Variants in POM121 observed in about 807,000 individuals in gnomAD.
POM121 encodes nuclear envelope pore membrane protein POM 121.
Under a neutral mutation model 81.3 loss-of-function variants are expected in POM121, and 32 were observed. The observed-to-expected ratio is 0.39, with a 90% CI of 0.30 to 0.53. The LOEUF (loss-of-function observed/expected upper bound fraction) is 0.53. Ranked by LOEUF, POM121 falls within the 20% of genes least tolerant of loss-of-function variation. The pLI is 0.66. For synonymous variants in POM121, 514 were observed against 694.2 expected, an observed-to-expected ratio of 0.74 and a Z score of 4.08; for missense variants, 1,138 against 1,614.6, an observed-to-expected ratio of 0.70 and a Z score of 5.06.
intron 5 of POM121, among the ~76,000 whole-genome samples, chr7:72,931,917 A>G (rs1796066032): frequency 6.6e-6 from 1 of 152,064 alleles, no homozygotes; most frequent in Admixed American, 6.6e-5. Flanking sequence ...TAACACTGTC[A>G]TTATTAAGAC....
chr7:72,943,045 G>A lies in POM121; in HGVS notation c.3052G>A (p.Val1018Met), dbSNP rs138430822. 1.2e-5 allele frequency: 19 copies of A among 1,613,788 alleles called. No homozygotes were observed. Among genetic ancestry groups the A allele is most frequent in the African/African-American group, 4.0e-5 (3 of 74,942 alleles). ...TPAPPSMIKV[V>M]PAYVPTPIHP... ...TGCACCTCCGTCCATGATCAAGGTC[G>A]TGCCTGCGTACGTGCCTACGCCCAT... Residue 1018 changes from valine to methionine, a missense_variant, in exon 11 of 13, where the codon GTG becomes ATG. Val to Met is a conservative substitution (Grantham distance 21). This residue lies in a region of POM121 where 336 missense variants were observed against 344.3 expected (regional missense o/e 0.98). Coordinates refer to ENST00000434423, the MANE Select transcript of POM121 (RefSeq NM_001387691.1).
chr7:72,882,771 A>G (rs1283779843), intron 1 of POM121, among the ~76,000 whole-genome samples: 1 of 152,102 alleles, frequency 6.6e-6, no homozygotes, highest in African/African-American at 2.4e-5. Flanking sequence ...AGATTTCCTC[A>G]TTTCTGTTTC....
At chr7:72,914,612 G>A (rs1404409690) in intron 4 of POM121, among the ~76,000 whole-genome samples, 4 of 151,798 alleles carry the variant, frequency 2.6e-5, no homozygotes, top group Non-Finnish European at 1.5e-5. Context: ...GGCCTCAAGC[G>A]ATCCTCCTAC....
chr7:72,930,022 T>A lies in POM121; in HGVS notation c.1186T>A (p.Ser396Thr). ...GAGATCCCGAAGCTCTTCCATGAGC[T>A]CCTTGACAGGCGCTTACGCAAGTGG... ...NKRSRSSSMS[S>T]LTGAYASGIP... The change falls in exon 5 of 13, where the codon TCC becomes ACC. Residue 396 changes from serine (S) to threonine (T), a missense_variant. By Grantham distance (58) the Ser-to-Thr change is moderately conservative. This residue lies in a region of POM121 where 646 missense variants were observed against 633.5 expected (regional missense o/e 1.02). Coordinates refer to ENST00000434423, the MANE Select transcript of POM121 (RefSeq NM_001387691.1). The A allele has an allele frequency of 6.2e-7, 1 of 1,613,994 alleles. No individual in the cohort carries two copies. The highest frequency in any genetic ancestry group is 8.5e-7 in the Non-Finnish European group (1 of 1,179,858).
chr7:72,895,607 TC>T (rs1279087172), intron 3 of POM121, among the ~76,000 whole-genome samples: 2 of 152,168 alleles, frequency 1.3e-5, no homozygotes, highest in Non-Finnish European at 2.9e-5. Context: ...AGACTAATCT[TC>T]CTAAAGCATG....
intron 1 of POM121, among the ~76,000 whole-genome samples, chr7:72,883,772 C>T (rs1201637553): frequency 6.6e-6 from 1 of 151,866 alleles, no homozygotes; most frequent in Non-Finnish European, 1.5e-5. Flanking sequence ...GCACGTGTTA[C>T]CTTCTTTGTT....
intron 7 of POM121, 106 bp downstream of exon 7, chr7:72,939,515 C>T (rs1259962057): frequency 5.5e-6 from 8 of 1,467,358 alleles, no homozygotes; most frequent in Non-Finnish European, 7.3e-6. Flanking sequence ...ATTGCTATGT[C>T]TAAGGCATGT....
chr7:72,924,506 T>C (rs564349675), upstream of POM121: 1 of 152,328 alleles, frequency 6.6e-6, no homozygotes, highest in South Asian at 2.1e-4. Flanking sequence ...AATTTTAAAC[T>C]ATCTTTATGG....
At chr7:72,907,646 G>GT (rs1554493629) in intron 3 of POM121, among the ~76,000 whole-genome samples, 1 of 152,008 alleles carries the variant, frequency 6.6e-6, no homozygotes, top group Non-Finnish European at 1.5e-5. Flanking sequence ...GAGTAGCTGG[G>GT]ATTGCAGGCA....
chr7:72,900,807 T>C (rs1416458147), intron 3 of POM121, among the ~76,000 whole-genome samples: 1 of 152,030 alleles, frequency 6.6e-6, no homozygotes, highest in Admixed American at 6.6e-5. Flanking sequence ...CCCAGCCTGC[T>C]CTTATATTAA....
chr7:72,892,619 C>T, intron 3 of POM121, among the ~76,000 whole-genome samples: 1 of 152,096 alleles, frequency 6.6e-6, no homozygotes, highest in East Asian at 1.9e-4. Flanking sequence ...ATTTTCCCTT[C>T]CTTTCTTCCT....
At chr7:72,899,172 A>C (rs1792310868) in intron 3 of POM121, among the ~76,000 whole-genome samples, 1 of 151,352 alleles carries the variant, frequency 6.6e-6, no homozygotes, top group Non-Finnish European at 1.5e-5. Flanking sequence ...TTTAGTAGAG[A>C]TGGGGTTTCA....
intron 12 of POM121, 131 bp downstream of exon 12, chr7:72,945,839 T>G: frequency 6.9e-7 from 1 of 1,443,318 alleles, no homozygotes; most frequent in Non-Finnish European, 9.2e-7. Flanking sequence ...GGGTTAGGAG[T>G]CCAGCACAAC....
At chr7:72,936,521 C>T (rs780121910) in intron 5 of POM121, among the ~76,000 whole-genome samples, 4 of 152,318 alleles carry the variant, frequency 2.6e-5, no homozygotes, top group Admixed American at 6.5e-5. Context: ...TCGTGATCCG[C>T]CCACCTTGGC....
chr7:72,929,025 G>T (rs1795756704), intron 4 of POM121, among the ~76,000 whole-genome samples: 1 of 152,232 alleles, frequency 6.6e-6, no homozygotes, highest in Admixed American at 6.5e-5. Context: ...GTGGAGCACT[G>T]TGGTCAGATC....
At chr7:72,920,992 C>A (rs1794769776), upstream of POM121, among the ~76,000 whole-genome samples, 1 of 152,044 alleles carries the variant, frequency 6.6e-6, no homozygotes, top group African/African-American at 2.4e-5. Flanking sequence ...ACCAGCCTGG[C>A]CAACATGGTG....
intron 5 of POM121, among the ~76,000 whole-genome samples, chr7:72,935,312 A>G (rs1276559998): frequency 1.3e-5 from 2 of 152,138 alleles, no homozygotes; most frequent in East Asian, 3.9e-4. Flanking sequence ...AGCTGGGACC[A>G]CAGGCATGCA....
chr7:72,946,672 T>TATC lies in POM121; in HGVS notation c.*439_*441dup, dbSNP rs1433669031. On this transcript the variant is annotated 3_prime_UTR_variant, in exon 13 of 13. Transcript: ENST00000434423. ...GGGAAATGGGCTATCCGTAAAGCTT[T>TATC]ATCTTGCTTGGCTTAGCTGTGAGAA... The TATC allele has an allele frequency of 2.0e-6, 2 of 981,736 alleles. No individual in the cohort carries two copies. Among genetic ancestry groups the TATC allele is most frequent in the African/African-American group, 3.6e-5 (2 of 55,812 alleles). 60.8% of individuals were successfully genotyped at this position (981,736 alleles called of 1,614,324 possible).
chr7:72,911,285 C>T (rs1473658073), intron 3 of POM121, among the ~76,000 whole-genome samples: 4 of 152,210 alleles, frequency 2.6e-5, no homozygotes, highest in Admixed American at 6.5e-5. Flanking sequence ...TGCCCAGCTG[C>T]TTCATGTATT....
Sources: gnomAD v4.1 joint callset for allele counts (sites outside exome capture counted in the v4.1 genomes callset) on GRCh38, gnomAD v4.1.1 for gene constraint, gnomAD v4.1.1 regional missense constraint, MANE v1.5 for transcripts, NCBI Gene and HGNC (gene_info 2026-07-23, HGNC 2026-07-21) for gene names.